Variants in ZNF665 observed in about 807,000 individuals in gnomAD.
The protein encoded by ZNF665 is zinc finger protein 665.
ZNF665 carries 6 observed loss-of-function variants against 7.9 expected under a neutral mutation model. That is an observed-to-expected ratio of 0.76 (90% CI 0.42 to 1.50). The LOEUF is 1.50. Ranked by LOEUF, ZNF665 falls within the 40% of genes most tolerant of loss-of-function variation. The probability of loss-of-function intolerance (pLI) is 0.01; values close to 1 mark genes in which losing one functional copy is unlikely to be tolerated. For synonymous variants in ZNF665, 242 were observed against 274.5 expected, an observed-to-expected ratio of 0.88 and a Z score of 1.17; for missense variants, 819 against 806.7, an observed-to-expected ratio of 1.02 and a Z score of -0.18.
rs749065447 is a variant in ZNF665 at position 53,164,357 on chromosome 19, C to T, written c.*96G>A. 1.3e-4 allele frequency: 129 copies of T among 1,008,602 alleles called. No individual in the cohort carries two copies. Among genetic ancestry groups the T allele is most frequent in the Middle Eastern group, 3.1e-4 (1 of 3,202 alleles). The allele number at this position is 1,008,602 out of a possible 1,614,324, so 62.5% of individuals were successfully genotyped here. A position where few individuals can be genotyped will look rare whatever the true frequency, so the allele number is the denominator to read the frequency against. The stretch of plus-strand genomic sequence containing the variant: ...TTCACCGTGTTGGCCAGCCTGGTCT[C>T]GAACTCGAGACCTCAGGTGATCCCC... On this transcript the variant is annotated 3_prime_UTR_variant, in exon 4 of 4. Transcript: ENST00000396424.
At chr19:53,183,214 G>A (rs1477016811) in intron 1 of ZNF665, among the ~76,000 whole-genome samples, 1 of 152,158 alleles carries the variant, frequency 6.6e-6, no homozygotes, top group Admixed American at 6.5e-5. Flanking sequence ...GCAGCAGTGG[G>A]GAGCTGGGCT....
intron 1 of ZNF665, among the ~76,000 whole-genome samples, chr19:53,185,741 G>T (rs1326683355): frequency 6.6e-6 from 1 of 151,752 alleles, no homozygotes; most frequent in Non-Finnish European, 1.5e-5. Flanking sequence ...GATCAGCGAG[G>T]TATCAAAAAC....
intron 1 of ZNF665, among the ~76,000 whole-genome samples, chr19:53,189,362 G>A (rs12232807): frequency 0.2 from 30,138 of 150,952 alleles, 3,568 homozygotes; most frequent in Admixed American, 0.27. Context: ...TAGTGGCCCC[G>A]AATGTCTGGC....
chr19:53,181,503 A>G (rs1460230908), intron 2 of ZNF665: 1 of 152,194 alleles, frequency 6.6e-6, no homozygotes, highest in Non-Finnish European at 1.5e-5. Flanking sequence ...GCTGAGACCA[A>G]GAAAAAGGTA....
chr19:53,167,924 C>T (rs538946517), intron 3 of ZNF665, among the ~76,000 whole-genome samples: 20 of 147,930 alleles, frequency 1.4e-4, no homozygotes, highest in African/African-American at 4.6e-4. Context: ...TGCGTTGTGG[C>T]GGGCGCCTGC....
At chr19:53,184,149 C>G (rs954429700) in intron 1 of ZNF665, among the ~76,000 whole-genome samples, 3 of 151,864 alleles carry the variant, frequency 2.0e-5, no homozygotes, top group African/African-American at 7.3e-5. Flanking sequence ...ACTTGGGAGG[C>G]TGAGGTAGGA....
rs12977280 is a variant in ZNF665, at chr19:53,163,182, C to T, written c.*1271G>A. ...CTGAGTAGCTGGGATTACAGGCATGCGCCACCATGCCTGGCTAATTTTGTA... is the reference window on the plus strand; with the variant it reads ...CTGAGTAGCTGGGATTACAGGCATGTGCCACCATGCCTGGCTAATTTTGTA... On this transcript the variant is annotated 3_prime_UTR_variant, in exon 4 of 4. Transcript: ENST00000396424. The T allele has an allele frequency of 0.17, 25,754 of 151,964 alleles. 2,402 individuals are homozygous for T. Among genetic ancestry groups the T allele is most frequent in the Middle Eastern group, 0.21 (63 of 298 alleles). 9.4% of individuals were successfully genotyped at this position (151,964 alleles called of 1,614,324 possible). A position where few individuals can be genotyped will look rare whatever the true frequency, so the allele number is the denominator to read the frequency against.
At chr19:53,167,589 G>A (rs1414084130) in intron 3 of ZNF665, among the ~76,000 whole-genome samples, 6 of 150,850 alleles carry the variant, frequency 4.0e-5, no homozygotes, top group African/African-American at 7.3e-5. Context: ...TGGGACTACA[G>A]GCGCCCGCCA....
chr19:53,179,236 C>T (rs765231918), intron 2 of ZNF665, among the ~76,000 whole-genome samples: 5 of 151,966 alleles, frequency 3.3e-5, no homozygotes, highest in East Asian at 1.9e-4. Context: ...ATTAGCCAGG[C>T]GTGGTGGCGG....
intron 2 of ZNF665, among the ~76,000 whole-genome samples, chr19:53,176,382 G>A (rs71363313): frequency 6.6e-6 from 1 of 152,068 alleles, no homozygotes; most frequent in Non-Finnish European, 1.5e-5. Context: ...GAGGCTCCTT[G>A]AGTGGTGCAC....
In ZNF665 at chr19:53,163,560, T is replaced by G. The variant is rs2090579449; in HGVS notation, c.*893A>C. 1 of 152,232 alleles carries G rather than the reference T, an allele frequency of 6.6e-6. No homozygotes were observed. Among genetic ancestry groups the G allele is most frequent in the South Asian group, 2.1e-4 (1 of 4,838 alleles). The allele number at this position is 152,232 out of a possible 1,614,324, so 9.4% of individuals were successfully genotyped here. On this transcript the variant is annotated 3_prime_UTR_variant, in exon 4 of 4. Transcript: ENST00000396424. ...TGAGTGAGCCCTTCCATCCTTTGAT[T>G]CTTTCCCGAACAACACCATGTTAGG...
chr19:53,184,531 G>A (rs2090762218), intron 1 of ZNF665, among the ~76,000 whole-genome samples: 1 of 152,076 alleles, frequency 6.6e-6, no homozygotes, highest in Non-Finnish European at 1.5e-5. Context: ...CTGGACAAAG[G>A]ATTCCAGTGT....
At chr19:53,170,259 T>A (rs369135937) in intron 3 of ZNF665, among the ~76,000 whole-genome samples, 23 of 152,236 alleles carry the variant, frequency 1.5e-4, no homozygotes, top group South Asian at 6.2e-4. Context: ...ATAACTTTTT[T>A]AAAAAAAACT....
chr19:53,175,331 T>TCATGAG, intron 3 of ZNF665, 114 bp downstream of exon 3: 6 of 1,320,854 alleles, frequency 4.5e-6, no homozygotes, highest in Non-Finnish European at 6.3e-6. Flanking sequence ...CATTTATGAG[T>TCATGAG]CAACAGGACA....
chr19:53,191,482 GA>G (rs1261463309), intron 1 of ZNF665, among the ~76,000 whole-genome samples: 6 of 152,162 alleles, frequency 3.9e-5, no homozygotes, highest in Admixed American at 3.9e-4. Context: ...ATGTCTTATA[GA>G]CAAAACTTTT....
At chr19:53,191,571 C>T (rs917213221) in intron 1 of ZNF665, 1 of 152,216 alleles carries the variant, frequency 6.6e-6, no homozygotes, top group Admixed American at 6.5e-5. Context: ...GGGCTGGGCA[C>T]AGTGGCTCAT....
intron 3 of ZNF665, among the ~76,000 whole-genome samples, chr19:53,174,999 A>T (rs990761687): frequency 4.6e-5 from 7 of 151,770 alleles, no homozygotes; most frequent in African/African-American, 1.7e-4. Flanking sequence ...AAGAAATATA[A>T]TGTGCTGTGG....
At position 53,163,959 on chromosome 19, in the gene ZNF665, T is replaced by C. The variant is rs902866361; in HGVS notation, c.*494A>G. 2 of 152,430 alleles carry C rather than the reference T, an allele frequency of 1.3e-5. No homozygotes were observed. Among genetic ancestry groups the C allele is most frequent in the African/African-American group, 4.8e-5 (2 of 41,434 alleles). 9.4% of individuals were successfully genotyped at this position (152,430 alleles called of 1,614,324 possible). A position where few individuals can be genotyped will look rare whatever the true frequency, so the allele number is the denominator to read the frequency against. On this transcript the variant is annotated 3_prime_UTR_variant, in exon 4 of 4. Transcript: ENST00000396424. The stretch of plus-strand genomic sequence containing the variant: ...TTGAGCTCTGAGACCTGGATAAAGC[T>C]TCTGTCATACATAGTATATTCACAG...
chr19:53,182,515 A>G, intron 2 of ZNF665: 1 of 628,912 alleles, frequency 1.6e-6, no homozygotes, highest in Non-Finnish European at 2.9e-6. Context: ...TGTACACACT[A>G]ACATCTGACT....
Sources: allele counts gnomAD v4.1 joint callset (sites outside exome capture counted in the v4.1 genomes callset), GRCh38; gene constraint gnomAD v4.1.1; transcripts MANE v1.5; gene names NCBI Gene and HGNC (gene_info 2026-07-23, HGNC 2026-07-21).